The following BRINP2 variants were observed in gnomAD, a reference collection of about 807,000 sequenced individuals.
BRINP2 encodes BMP/retinoic acid-inducible neural-specific protein 2.
A neutral mutation model predicts 69.2 loss-of-function variants in BRINP2; 21 were observed. The observed-to-expected ratio is 0.30, with a 90% CI of 0.22 to 0.44. The LOEUF (loss-of-function observed/expected upper bound fraction) is 0.44. BRINP2 is among the 20% of genes least tolerant of loss of function. The pLI is 1.00. For synonymous variants in BRINP2, 380 were observed against 394.1 expected (o/e 0.96, Z 0.42); for missense variants, 877 against 986.0 (o/e 0.89, Z 1.48).
intron 4 of BRINP2, among the ~76,000 whole-genome samples, chr1:177,263,023 C>T (rs988327433): frequency 1.3e-5 from 2 of 151,452 alleles, no homozygotes; most frequent in Non-Finnish European, 2.9e-5. Flanking sequence ...ATATACGTGG[C>T]GAAAGATAAA....
At chr1:177,260,795 G>T (rs1650922896) in intron 4 of BRINP2, among the ~76,000 whole-genome samples, 1 of 152,198 alleles carries the variant, frequency 6.6e-6, no homozygotes, top group South Asian at 2.1e-4. Flanking sequence ...ACACTTAATA[G>T]ACTACAGTAT....
intron 3 of BRINP2, chr1:177,256,324 G>A: frequency 1.0e-6 from 1 of 985,398 alleles, no homozygotes; most frequent in Non-Finnish European, 1.2e-6. Flanking sequence ...GGGAAGTTGG[G>A]TATGGCGGTT....
intron 1 of BRINP2, among the ~76,000 whole-genome samples, chr1:177,196,575 G>T (rs954350297): frequency 1.6e-4 from 24 of 151,506 alleles, no homozygotes; most frequent in Non-Finnish European, 3.2e-4. Flanking sequence ...CTGAGATTGC[G>T]CCACTGCACT....
Position 177,171,103 on chromosome 1 carries a change from T to A in BRINP2, c.-706T>A, listed in dbSNP as rs1647913162. Among the ~76,000 whole-genome samples, 1 of 152,192 alleles carries A rather than the reference T, an allele frequency of 6.6e-6. No individual in the cohort carries two copies. The highest frequency in any genetic ancestry group is 2.1e-4 in the South Asian group (1 of 4,834). On this transcript the variant is annotated 5_prime_UTR_variant, in exon 1 of 8. Transcript: ENST00000361539. The stretch of plus-strand genomic sequence containing the variant: ...CTTACGCTGAGCTCGGAGGATCCCA[T>A]TAGGACTTGCCCGGGGATGTGCACC...
chr1:177,193,727 T>C (rs1333353550), intron 1 of BRINP2, among the ~76,000 whole-genome samples: 2 of 152,208 alleles, frequency 1.3e-5, no homozygotes, highest in African/African-American at 4.8e-5. Context: ...ATGCCCTTAC[T>C]GCAGGCTGAG....
intron 1 of BRINP2, among the ~76,000 whole-genome samples, chr1:177,192,700 G>A (rs1023917516): frequency 5.9e-5 from 9 of 152,156 alleles, no homozygotes; most frequent in Non-Finnish European, 1.0e-4. Context: ...GTGAGAAAAT[G>A]AAGAAATGTA....
chr1:177,213,634 C>T (rs1649290612), intron 1 of BRINP2, among the ~76,000 whole-genome samples: 1 of 152,172 alleles, frequency 6.6e-6, no homozygotes, highest in Non-Finnish European at 1.5e-5. Context: ...TCAGAAGTGA[C>T]TGATTTGAAC....
intron 1 of BRINP2, among the ~76,000 whole-genome samples, chr1:177,190,542 C>T (rs991349687): frequency 2.6e-5 from 4 of 152,192 alleles, no homozygotes; most frequent in African/African-American, 7.2e-5. Flanking sequence ...GGCAGTCTCC[C>T]GTTCTCTCCT....
intron 2 of BRINP2, among the ~76,000 whole-genome samples, chr1:177,237,260 C>A (rs1256190686): frequency 6.6e-6 from 1 of 152,168 alleles, no homozygotes; most frequent in African/African-American, 2.4e-5. Flanking sequence ...ATTCTAGGCA[C>A]TATAGCAGAA....
Position 177,188,133 on chromosome 1 carries a change from G to A in BRINP2, c.-77+16401G>A, listed in dbSNP as rs575940752. Among the ~76,000 whole-genome samples, 5 of 151,666 alleles carry A rather than the reference G, an allele frequency of 3.3e-5. No individual in the cohort carries two copies. The South Asian group carries it at 1.0e-3, about 32-fold the overall frequency. On this transcript the variant is annotated intron_variant, in intron 1 of 7. Coordinates refer to ENST00000361539, the MANE Select transcript of BRINP2 (RefSeq NM_021165.4). ...AACTATCATTCTTGCTGTTATTATT[G>A]TTATCTTTCTAGTTAGCATCATTTT...
At chr1:177,249,018 A>G (rs960078738) in intron 2 of BRINP2, among the ~76,000 whole-genome samples, 16 of 152,060 alleles carry the variant, frequency 1.1e-4, no homozygotes, top group African/African-American at 3.9e-4. Context: ...CTCATGTACA[A>G]CCAGAAGCAT....
intron 1 of BRINP2, among the ~76,000 whole-genome samples, chr1:177,223,467 A>T (rs1649602960): frequency 1.3e-5 from 2 of 152,098 alleles, no homozygotes; most frequent in South Asian, 4.2e-4. Context: ...ATCCCTTGGG[A>T]CAGTCCTTGT....
chr1:177,257,353 A>G lies in BRINP2; in HGVS notation c.638A>G (p.His213Arg), dbSNP rs1431853028. The G allele has an allele frequency of 6.2e-7, 1 of 1,612,732 alleles. No homozygotes were observed. The highest frequency in any genetic ancestry group is 8.5e-7 in the Non-Finnish European group (1 of 1,178,956). Residue 213 changes from histidine to arginine, a missense_variant, in exon 4 of 8, where the codon CAC becomes CGC. Physicochemically the swap from His to Arg is conservative, Grantham distance 29 (BLOSUM62 0). Coordinates refer to ENST00000361539, the MANE Select transcript of BRINP2 (RefSeq NM_021165.4). ...IDRESTLRRLHHIQIATGAIK... is the reference protein window; with the variant it reads ...IDRESTLRRLRHIQIATGAIK... ...AGAGAGAGCACGCTGCGACGGCTGC[A>G]CCATATCCAGATAGCCACGGGGGCC... is the stretch of plus-strand genomic sequence containing the variant.
At chr1:177,266,598 A>T (rs1651130198) in intron 4 of BRINP2, among the ~76,000 whole-genome samples, 1 of 151,710 alleles carries the variant, frequency 6.6e-6, no homozygotes, top group African/African-American at 2.4e-5. Context: ...TCTCTACTAA[A>T]AATACCAAAA....
intron 1 of BRINP2, among the ~76,000 whole-genome samples, chr1:177,193,553 C>T (rs1210828305): frequency 2.6e-5 from 4 of 152,136 alleles, no homozygotes; most frequent in East Asian, 3.9e-4. Flanking sequence ...TATAATTGAA[C>T]GAAATTTTAG....
intron 2 of BRINP2, among the ~76,000 whole-genome samples, chr1:177,235,114 C>A (rs10798505): frequency 0.37 from 56,231 of 152,050 alleles, 10,787 homozygotes; most frequent in South Asian, 0.54. Flanking sequence ...TCTTTGGACC[C>A]CCAGCATTAG....
At chr1:177,248,460 C>CAT (rs1650461577) in intron 2 of BRINP2, among the ~76,000 whole-genome samples, 1 of 140,000 alleles carries the variant, frequency 7.1e-6, no homozygotes, top group Non-Finnish European at 1.5e-5. Context: ...TGTGTGCGTG[C>CAT]GTGTGTGTGT....
intron 1 of BRINP2, among the ~76,000 whole-genome samples, chr1:177,212,066 C>CAGAT (rs61645500): frequency 0.061 from 9,130 of 149,090 alleles, 271 homozygotes; most frequent in East Asian, 0.11. Context: ...TCTATAGACA[C>CAGAT]AGATAGATAG....
At chr1:177,250,473 C>T (rs959029031) in intron 2 of BRINP2, among the ~76,000 whole-genome samples, 1 of 152,134 alleles carries the variant, frequency 6.6e-6, no homozygotes, top group Non-Finnish European at 1.5e-5. Flanking sequence ...ATTACAGGCA[C>T]CTGCCATTGC....
Sources: gnomAD v4.1 joint callset for allele counts (sites outside exome capture counted in the v4.1 genomes callset) on GRCh38, gnomAD v4.1.1 for gene constraint, MANE v1.5 for transcripts, NCBI Gene and HGNC (gene_info 2026-07-23, HGNC 2026-07-21) for gene names.